The following LRP1B variants were observed in gnomAD, a reference collection of about 807,000 sequenced individuals.
LRP1B encodes the protein LDL receptor related protein 1B.
In LRP1B, 217 loss-of-function variants were observed where a neutral mutation model predicts 556.6. The observed-to-expected ratio is 0.39, with a 90% CI of 0.35 to 0.44. LRP1B has a LOEUF of 0.44. Ranked by LOEUF, LRP1B falls within the 20% of genes least tolerant of loss-of-function variation. The pLI is 1.00. For missense variants in LRP1B, 5,053 were observed against 5,620.8 expected (o/e 0.90, Z 3.23); for synonymous variants, 2,047 against 1,865.8 (o/e 1.10, Z -2.50).
At chr2:140,503,993 G>A (rs1485120349) in intron 53 of LRP1B, among the ~76,000 whole-genome samples, 3 of 151,816 alleles carry the variant, frequency 2.0e-5, no homozygotes, top group South Asian at 2.1e-4. Context: ...GTATTTCTTC[G>A]CTCTCTCTCC....
At chr2:141,019,784 G>T (rs1339606468) in intron 12 of LRP1B, 138 bp downstream of exon 12, 7 of 571,054 alleles carry the variant, frequency 1.2e-5, no homozygotes, top group Admixed American at 3.5e-5. Flanking sequence ...CCTTAAATGT[G>T]TAACTTTACC....
chr2:141,960,521 G>A (rs1701373660), intron 1 of LRP1B, among the ~76,000 whole-genome samples: 1 of 151,822 alleles, frequency 6.6e-6, no homozygotes, highest in South Asian at 2.1e-4. Flanking sequence ...TTTATAGAAT[G>A]TTTGGTTATC....
At chr2:140,361,358 A>ACG (rs1427791615) in intron 72 of LRP1B, among the ~76,000 whole-genome samples, 3 of 126,170 alleles carry the variant, frequency 2.4e-5, no homozygotes, top group South Asian at 2.6e-4. Flanking sequence ...ATATATATAT[A>ACG]TATATATATA....
chr2:140,557,026 A>G lies in LRP1B; in HGVS notation c.7195-15055T>C, dbSNP rs540374093. On this transcript the variant is annotated intron_variant, in intron 43 of 90. Coordinates refer to ENST00000389484, the MANE Select transcript of LRP1B (RefSeq NM_018557.3). ...ATTTTAAAAATAAAAAGTAAAAACT[A>G]CTACGGGTTCTGACTACATGACTAT... Among the ~76,000 whole-genome samples the G allele has an allele frequency of 2.4e-3, 373 of 152,266 alleles. 1 individual carries two copies. Among genetic ancestry groups the G allele is most frequent in the Middle Eastern group, 6.8e-3 (2 of 294 alleles).
Position 140,601,580 on chromosome 2 carries a change from T to C in LRP1B, c.6859A>G (p.Ser2287Gly), listed in dbSNP as rs1415677445. ...CTGGTGATGGATGAGGTGGTAGAGC[T>C]TGTCCAGTACAGTGTATCCCAGGCT... The part of the protein sequence containing the change: ...HRAWDTLYWT[S>G]STTSSITRHT... Residue 2287 changes from serine (S) to glycine (G), a missense_variant, in exon 42 of 91, where the codon AGC (serine) becomes GGC (glycine). By Grantham distance (56) the Ser-to-Gly change is moderately conservative (BLOSUM62 0). Around this residue, in one of 5 missense-constraint regions of LRP1B, gnomAD observed 3,619 missense variants for 3,931.9 expected, o/e 0.92. Transcript: ENST00000389484. 3.1e-6 allele frequency: 5 copies of C among 1,612,990 alleles called. No homozygotes were observed. In the East Asian group the frequency reaches 6.7e-5, roughly 22 times the overall value.
intron 2 of LRP1B, among the ~76,000 whole-genome samples, chr2:141,594,245 G>GGT (rs967832999): frequency 4.0e-5 from 6 of 151,892 alleles, no homozygotes; most frequent in Non-Finnish European, 8.8e-5. Context: ...CTCACTCTCT[G>GGT]GTGTGTGTGT....
intron 2 of LRP1B, among the ~76,000 whole-genome samples, chr2:141,519,695 C>A (rs1464842474): frequency 6.6e-6 from 1 of 151,500 alleles, no homozygotes; most frequent in Admixed American, 6.6e-5. Flanking sequence ...CTACAGATTT[C>A]TATATATATA....
At chr2:141,162,515 A>G (rs1201856713) in intron 7 of LRP1B, among the ~76,000 whole-genome samples, 1 of 152,072 alleles carries the variant, frequency 6.6e-6, no homozygotes, top group African/African-American at 2.4e-5. Flanking sequence ...CGGTACTATG[A>G]GTCATAAAGT....
rs1014062077 is a variant in LRP1B at position 142,001,197 on chromosome 2, G to T, written c.82+129451C>A. ...TTCTTTATAAATTACCCAGTCTGGG[G>T]TATGTCTTTATCAGCAGCATGAGAA... On this transcript the variant is annotated intron_variant, in intron 1 of 90. Coordinates refer to ENST00000389484, the MANE Select transcript of LRP1B (RefSeq NM_018557.3). Among the ~76,000 whole-genome samples the T allele has an allele frequency of 7.2e-5, 11 of 152,174 alleles. No homozygotes were observed. The South Asian group carries it at 2.1e-3, about 29-fold the overall frequency.
At chr2:140,750,354 G>A (rs895848767) in intron 35 of LRP1B, among the ~76,000 whole-genome samples, 1 of 152,058 alleles carries the variant, frequency 6.6e-6, no homozygotes, top group Admixed American at 6.6e-5. Flanking sequence ...ATAAACAAAT[G>A]TATAAAAGTT....
intron 23 of LRP1B, among the ~76,000 whole-genome samples, chr2:140,901,742 T>C (rs1294726455): frequency 6.6e-6 from 1 of 152,184 alleles, no homozygotes; most frequent in Non-Finnish European, 1.5e-5. Context: ...TGAAATTAAA[T>C]AATTTTTGAA....
chr2:140,455,440 A>G (rs571568966), intron 62 of LRP1B, among the ~76,000 whole-genome samples: 1 of 152,302 alleles, frequency 6.6e-6, no homozygotes, highest in South Asian at 2.1e-4. Context: ...TATGGCATAG[A>G]AATATTATAA....
At position 140,697,353 on chromosome 2, in the gene LRP1B, A is replaced by T. The variant is rs574042788; in HGVS notation, c.6799+2897T>A. On this transcript the variant is annotated intron_variant, in intron 41 of 90. Transcript: ENST00000389484. ...CCCTTACAGTTCATCAGACCTAAAC[A>T]TAACACTGAGTGATCTCATGAAATA... Among the ~76,000 whole-genome samples, 7 of 152,222 alleles carry T rather than the reference A, an allele frequency of 4.6e-5. No individual in the cohort carries two copies. In the South Asian group the frequency reaches 1.2e-3, roughly 27 times the overall value.
intron 35 of LRP1B, among the ~76,000 whole-genome samples, chr2:140,745,898 C>G (rs529203212): frequency 2.0e-3 from 309 of 152,194 alleles, no homozygotes; most frequent in Non-Finnish European, 2.7e-3. Context: ...ATCTGTTTAG[C>G]AGAAACAATA....
At chr2:141,046,610 T>C (rs1299892864) in intron 11 of LRP1B, among the ~76,000 whole-genome samples, 1 of 152,112 alleles carries the variant, frequency 6.6e-6, no homozygotes, top group Non-Finnish European at 1.5e-5. Flanking sequence ...TGCCTGGCGG[T>C]CATTGTGGCT....
intron 31 of LRP1B, among the ~76,000 whole-genome samples, chr2:140,826,553 A>C (rs963101300): frequency 1.3e-5 from 2 of 152,168 alleles, no homozygotes; most frequent in Non-Finnish European, 2.9e-5. Flanking sequence ...TGATCCCTGA[A>C]GCCATAGAGA....
chr2:141,774,194 G>A (rs1180261380), intron 2 of LRP1B, among the ~76,000 whole-genome samples: 1 of 152,178 alleles, frequency 6.6e-6, no homozygotes, highest in African/African-American at 2.4e-5. Flanking sequence ...GGATGTTTCA[G>A]GCTGTTTTTG....
chr2:141,342,274 A>AAAATAAATAAATAAAT (rs5834823), intron 3 of LRP1B, among the ~76,000 whole-genome samples: 342 of 142,078 alleles, frequency 2.4e-3, no homozygotes, highest in African/African-American at 8.2e-3. Context: ...AAATAAAAAT[A>AAAATAAATAAATAAAT]AAATAAATAA....
intron 7 of LRP1B, among the ~76,000 whole-genome samples, chr2:141,119,323 C>CTGTATAACAT (rs1700985149): frequency 6.6e-6 from 1 of 152,010 alleles, no homozygotes; most frequent in Non-Finnish European, 1.5e-5. Context: ...CAACGTTGTA[C>CTGTATAACAT]TGTATAACAT....
Sources: allele counts gnomAD v4.1 joint callset (sites outside exome capture counted in the v4.1 genomes callset), GRCh38; gene constraint gnomAD v4.1.1; regional missense constraint gnomAD v4.1.1; transcripts MANE v1.5; gene names NCBI Gene and HGNC (gene_info 2026-07-23, HGNC 2026-07-21).